The following TJP1 variants were observed in gnomAD, a reference collection of about 807,000 sequenced individuals.
The protein encoded by TJP1 is tight junction protein ZO-1.
TJP1 carries 43 observed loss-of-function variants against 194.2 expected under a neutral mutation model. That is an observed-to-expected ratio of 0.22 (90% CI 0.17 to 0.29). TJP1 has a LOEUF of 0.29. Among genes scored for constraint, TJP1 ranks in the 10% least tolerant of loss-of-function variants. The pLI is 1.00. For synonymous variants in TJP1, 801 were observed against 779.0 expected, an observed-to-expected ratio of 1.03 and a Z score of -0.47; for missense variants, 1,971 against 2,185.7, an observed-to-expected ratio of 0.90 and a Z score of 1.96.
At chr15:29,712,724 A>C (rs1456821005) in intron 23 of TJP1, among the ~76,000 whole-genome samples, 2 of 151,996 alleles carry the variant, frequency 1.3e-5, no homozygotes, top group Non-Finnish European at 1.5e-5. Context: ...AGCTGCTAAT[A>C]GTGAGCAAAG....
intron 10 of TJP1, chr15:29,741,091 T>C (rs45496092): frequency 0.011 from 3,082 of 281,916 alleles, 110 homozygotes; most frequent in East Asian, 0.088. Flanking sequence ...TAATTCCTAA[T>C]TTAAAAGCTA....
chr15:29,793,072 T>C (rs2048194266), intron 2 of TJP1, among the ~76,000 whole-genome samples: 1 of 152,214 alleles, frequency 6.6e-6, no homozygotes, highest in Non-Finnish European at 1.5e-5. Context: ...AATCTAAATT[T>C]TTCCTTCCAA....
chr15:29,955,753 TAAAAAAA>T (rs563535771), intron 2 of TJP1, among the ~76,000 whole-genome samples: 1,315 of 35,772 alleles, frequency 0.037, 9 homozygotes, highest in Non-Finnish European at 0.049. Context: ...CCTGGCTCTT[TAAAAAAA>T]AAAAAAAAAA....
chr15:29,787,270 T>C (rs1176803014), intron 2 of TJP1, among the ~76,000 whole-genome samples: 2 of 152,168 alleles, frequency 1.3e-5, no homozygotes, highest in Non-Finnish European at 2.9e-5. Context: ...TTTGGACCCC[T>C]ACCTCACAAC....
chr15:29,814,406 T>A lies in TJP1; in HGVS notation c.27+7596A>T, dbSNP rs1162872452. Among the ~76,000 whole-genome samples the A allele has an allele frequency of 2.0e-5, 3 of 152,228 alleles. No individual in the cohort carries two copies. The East Asian group carries it at 5.8e-4, about 29-fold the overall frequency. On this transcript the variant is annotated intron_variant, in intron 1 of 27. Transcript: ENST00000614355. ...TCCCAAACAAAATGTACTCATTTAA[T>A]ATGTGTTAAGCTAACAAAAAGAATT...
intron 2 of TJP1, among the ~76,000 whole-genome samples, chr15:29,847,683 G>A (rs2051469379): frequency 6.6e-6 from 1 of 152,234 alleles, no homozygotes; most frequent in Non-Finnish European, 1.5e-5. Flanking sequence ...TGCTCGGGAG[G>A]CTGAGGTAGG....
At chr15:29,741,638 T>C (rs1035928374) in intron 9 of TJP1, among the ~76,000 whole-genome samples, 1 of 152,210 alleles carries the variant, frequency 6.6e-6, no homozygotes, top group Non-Finnish European at 1.5e-5. Flanking sequence ...GTGTTTTCCA[T>C]AGTTCCAGCA....
At chr15:29,898,342 G>T (rs529307685) in intron 2 of TJP1, among the ~76,000 whole-genome samples, 6 of 152,158 alleles carry the variant, frequency 3.9e-5, no homozygotes, top group Non-Finnish European at 8.8e-5. Flanking sequence ...CCCCAGCCAC[G>T]TGGAACTGTA....
At chr15:29,811,275 G>A (rs968315912) in intron 1 of TJP1, among the ~76,000 whole-genome samples, 31 of 151,960 alleles carry the variant, frequency 2.0e-4, no homozygotes, top group Admixed American at 2.0e-3. Flanking sequence ...ATGAGTGTTC[G>A]CATGTGTGTG....
chr15:29,831,743 A>C (rs766743937), intron 2 of TJP1, among the ~76,000 whole-genome samples: 1 of 152,352 alleles, frequency 6.6e-6, no homozygotes, highest in Non-Finnish European at 1.5e-5. Context: ...TGACTACATA[A>C]GGAAGGGACC....
chr15:29,740,256 T>A (rs1461078117), intron 10 of TJP1, among the ~76,000 whole-genome samples: 1 of 152,182 alleles, frequency 6.6e-6, no homozygotes, highest in African/African-American at 2.4e-5. Context: ...TTTACAGGCA[T>A]AAGCCACTGC....
chr15:29,912,375 T>G (rs541778944), intron 2 of TJP1, among the ~76,000 whole-genome samples: 1 of 152,274 alleles, frequency 6.6e-6, no homozygotes, highest in African/African-American at 2.4e-5. Flanking sequence ...CACACAAAAT[T>G]ATGTTAATTG....
At chr15:29,871,243 GAT>G (rs1476016430) in intron 2 of TJP1, among the ~76,000 whole-genome samples, 14 of 152,224 alleles carry the variant, frequency 9.2e-5, no homozygotes, top group African/African-American at 3.4e-4. Context: ...CAGGAAGTGA[GAT>G]AAAAGAGACC....
chr15:29,719,311 A>T (rs45562833), intron 20 of TJP1, among the ~76,000 whole-genome samples, 173 bp from the exon 21 acceptor site: 1 of 152,342 alleles, frequency 6.6e-6, no homozygotes, highest in East Asian at 1.9e-4. Flanking sequence ...TGAAAGCTCA[A>T]AATTTATAAT....
rs1467287655 is a variant in TJP1 at position 29,716,496 on chromosome 15, C to G, written c.4202+115G>C. ...AAAAAGTATGTACAATGCTGAACCA[C>G]TAGAGCCTACAGAAATCATATATTA... On this transcript the variant is annotated intron_variant, in intron 23 of 27. Coordinates refer to ENST00000614355, the MANE Select transcript of TJP1 (RefSeq NM_001330239.4). 9.0e-6 allele frequency: 7 copies of G among 777,832 alleles called. No homozygotes were observed. The Admixed American group carries it at 1.9e-4, about 21-fold the overall frequency. 48.2% of individuals were successfully genotyped at this position (777,832 alleles called of 1,614,324 possible). A position where few individuals can be genotyped will look rare whatever the true frequency, so the allele number is the denominator to read the frequency against.
chr15:29,891,430 C>T (rs1185827914), intron 2 of TJP1, among the ~76,000 whole-genome samples: 1 of 152,192 alleles, frequency 6.6e-6, no homozygotes, highest in Non-Finnish European at 1.5e-5. Context: ...GGTAGTTTGT[C>T]TTTCTATTCT....
At chr15:29,957,252 GAC>G (rs1399918408) in intron 1 of TJP1, among the ~76,000 whole-genome samples, 1 of 152,128 alleles carries the variant, frequency 6.6e-6, no homozygotes, top group Non-Finnish European at 1.5e-5. Flanking sequence ...TATACATACA[GAC>G]ACAGTAAATA....
At chr15:29,752,281 T>C (rs2045342909) in intron 8 of TJP1, among the ~76,000 whole-genome samples, 1 of 152,144 alleles carries the variant, frequency 6.6e-6, no homozygotes, top group Non-Finnish European at 1.5e-5. Context: ...TTTGGTATTT[T>C]TAGTAGAGAC....
At chr15:29,794,387 C>T (rs1007565543) in intron 2 of TJP1, among the ~76,000 whole-genome samples, 8 of 152,190 alleles carry the variant, frequency 5.3e-5, no homozygotes, top group African/African-American at 1.9e-4. Flanking sequence ...GCTGCCCTCT[C>T]ATGGCAAAAA....
Sources: gnomAD v4.1 joint callset for allele counts (sites outside exome capture counted in the v4.1 genomes callset) on GRCh38, gnomAD v4.1.1 for gene constraint, MANE v1.5 for transcripts, NCBI Gene and HGNC (gene_info 2026-07-23, HGNC 2026-07-21) for gene names.